The following DNAH12 variants were observed in gnomAD, a reference collection of about 807,000 sequenced individuals.
DNAH12 encodes the protein dynein axonemal heavy chain 12.
In DNAH12, 285 loss-of-function variants were observed where a neutral mutation model predicts 371.5. That is an observed-to-expected ratio of 0.77 (90% CI 0.70 to 0.85). The LOEUF is 0.85. Ranked by LOEUF, DNAH12 falls within the 40% of genes least tolerant of loss-of-function variation. DNAH12 has a pLI of 0.00. For synonymous variants in DNAH12, 1,200 were observed against 1,213.0 expected, an observed-to-expected ratio of 0.99 and a Z score of 0.22; for missense variants, 3,611 against 3,689.4, an observed-to-expected ratio of 0.98 and a Z score of 0.55.
intron 2 of DNAH12, among the ~76,000 whole-genome samples, chr3:57,526,774 C>T (rs532804814): frequency 5.9e-5 from 9 of 151,974 alleles, no homozygotes; most frequent in South Asian, 2.1e-4. Flanking sequence ...CTGCCCACTT[C>T]GACCTCCCAA....
intron 58 of DNAH12, among the ~76,000 whole-genome samples, chr3:57,362,352 C>T (rs988085515): frequency 6.6e-5 from 10 of 152,078 alleles, no homozygotes; most frequent in African/African-American, 2.4e-4. Flanking sequence ...TTTATAGTAG[C>T]GTGATTTATA....
At chr3:57,507,601 T>C (rs773078392) in intron 8 of DNAH12, 42 bp downstream of exon 8, 3 of 1,383,188 alleles carry the variant, frequency 2.2e-6, no homozygotes, top group Admixed American at 5.7e-5. Context: ...ATTGAACTAA[T>C]TTTAATAACA....
At chr3:57,419,069 C>T (rs1214588605) in intron 37 of DNAH12, among the ~76,000 whole-genome samples, 7 of 152,206 alleles carry the variant, frequency 4.6e-5, no homozygotes, top group Non-Finnish European at 1.0e-4. Context: ...TTTAATTAGA[C>T]TGCATACCTT....
At chr3:57,436,899 T>TCC in intron 30 of DNAH12, 52 bp downstream of exon 30, 7 of 1,226,600 alleles carry the variant, frequency 5.7e-6, no homozygotes, top group Non-Finnish European at 7.7e-6. Context: ...TTTAGTTGTT[T>TCC]TACCAGCTTA....
Position 57,418,915 on chromosome 3 carries a change from A to C in DNAH12, c.5714+452T>G, listed in dbSNP as rs536840793. 2.6e-5 allele frequency among the ~76,000 whole-genome samples: 4 copies of C among 152,298 alleles called. No homozygotes were observed. The South Asian group carries it at 8.3e-4, about 32-fold the overall frequency. On this transcript the variant is annotated intron_variant, in intron 37 of 73. Transcript: ENST00000495027. ...CTTTTGATCAGTTTCATGTGTCTTT[A>C]CTTTTGATGGACTCTTCTGAGTTTT...
chr3:57,491,667 C>A (rs1454322574), intron 11 of DNAH12, among the ~76,000 whole-genome samples: 1 of 152,044 alleles, frequency 6.6e-6, no homozygotes. Flanking sequence ...GGCATGATGG[C>A]TCATGCCTGT....
At chr3:57,520,028 G>A (rs1000797774) in intron 4 of DNAH12, 2 of 729,464 alleles carry the variant, frequency 2.7e-6, no homozygotes, top group East Asian at 2.8e-5. Context: ...CCGCGGAGCC[G>A]ATGGCCGACG....
chr3:57,396,290 C>CAAAAAAAAAAAAAAAA (rs1159748997), intron 43 of DNAH12, among the ~76,000 whole-genome samples: 61 of 68,058 alleles, frequency 9.0e-4, no homozygotes, highest in East Asian at 1.8e-3. Context: ...AAAAAAAAAA[C>CAAAAAAAAAAAAAAAA]AAAAAAAAAA....
At chr3:57,364,117 C>T (rs1176603639) in intron 57 of DNAH12, among the ~76,000 whole-genome samples, 1 of 152,096 alleles carries the variant, frequency 6.6e-6, no homozygotes, top group Non-Finnish European at 1.5e-5. Flanking sequence ...TTTGTCATCA[C>T]TAAGTCTCAT....
chr3:57,457,947 G>A lies in DNAH12; in HGVS notation c.3110C>T (p.Pro1037Leu). ...MLEILSETKD[P>L]LRVQPHLKKC... Reference sequence around the variant, plus strand: ...TTTTAAATGTGGCTGAACTCTAAGTGGATCTTTGGTCTCTGATAAAATCTC... The same window carrying A: ...TTTTAAATGTGGCTGAACTCTAAGTAGATCTTTGGTCTCTGATAAAATCTC... Residue 1037 changes from proline (P) to leucine (L), a missense_variant, in exon 22 of 74, where the codon CCA (proline) becomes CTA (leucine). Transcript: ENST00000495027. 1 of 1,551,572 alleles carries A rather than the reference G, an allele frequency of 6.4e-7. No homozygotes were observed. Among genetic ancestry groups the A allele is most frequent in the Non-Finnish European group, 8.7e-7 (1 of 1,146,954 alleles).
At chr3:57,516,182 G>A (rs1173590021) in intron 4 of DNAH12, among the ~76,000 whole-genome samples, 1 of 146,864 alleles carries the variant, frequency 6.8e-6, no homozygotes, top group Non-Finnish European at 1.5e-5. Flanking sequence ...TCCTGCCTCA[G>A]CCTCCTGAGT....
chr3:57,415,542 T>A lies in DNAH12; in HGVS notation c.5737A>T (p.Thr1913Ser), dbSNP rs921752886. The A allele has an allele frequency of 1.3e-6, 2 of 1,544,276 alleles. No individual in the cohort carries two copies. Among genetic ancestry groups the A allele is most frequent in the South Asian group, 2.4e-5 (2 of 81,864 alleles). The change falls in exon 38 of 74, where the codon ACG becomes TCG. Residue 1913 changes from threonine (T) to serine (S), a missense_variant. This residue lies in a region of DNAH12 where 2,266 missense variants were observed against 2,236.9 expected (regional missense o/e 1.01). Transcript: ENST00000495027. ...ACATACACAGATTTTCCTGTACCCG[T>A]TGGACCCACAAAAAGGAGTGGCCTT... ...YAKPLLFVGP[T>S]GTGKSVYVKD...
At chr3:57,462,577 C>G in intron 18 of DNAH12, 113 bp downstream of exon 18, 2 of 1,263,502 alleles carry the variant, frequency 1.6e-6, no homozygotes, top group African/African-American at 1.5e-5. Context: ...ATCACTCTCC[C>G]CCATCACCTC....
intron 11 of DNAH12, among the ~76,000 whole-genome samples, chr3:57,491,336 G>A (rs1688361776): frequency 6.6e-6 from 1 of 152,046 alleles, no homozygotes; most frequent in African/African-American, 2.4e-5. Context: ...ACAGAAGAAA[G>A]TTATAATTGG....
chr3:57,519,241 G>C (rs1224674352), intron 4 of DNAH12, among the ~76,000 whole-genome samples: 2 of 152,010 alleles, frequency 1.3e-5, no homozygotes, highest in African/African-American at 4.8e-5. Context: ...GGGAGGAGGG[G>C]GTTTAAACTG....
chr3:57,540,502 A>C (rs546688546), intron 2 of DNAH12, among the ~76,000 whole-genome samples: 6 of 152,324 alleles, frequency 3.9e-5, no homozygotes, highest in African/African-American at 1.2e-4. Flanking sequence ...TGGAAGAACA[A>C]GGATAAGTAT....
chr3:57,405,774 T>C lies in DNAH12; in HGVS notation c.6455A>G (p.Asp2152Gly). The change falls in exon 41 of 74, where the codon GAT (aspartate) becomes GGT (glycine). Residue 2152 changes from aspartate to glycine, a missense_variant. Coordinates refer to ENST00000495027, the MANE Select transcript of DNAH12 (RefSeq NM_001366028.2). Reference protein sequence around the residue: ...FVHEVLRVFYDRLINDDDRRW... With the variant: ...FVHEVLRVFYGRLINDDDRRW... Reference sequence around the variant, plus strand: ...TCGATCATCATCATTAATGAGGCGATCATAAAACACTCGGAGAACCTCATG... The same window carrying C: ...TCGATCATCATCATTAATGAGGCGACCATAAAACACTCGGAGAACCTCATG... 6.4e-7 allele frequency: 1 copy of C among 1,551,634 alleles called. No homozygotes were observed. Among genetic ancestry groups the C allele is most frequent in the Non-Finnish European group, 8.7e-7 (1 of 1,146,970 alleles).
At chr3:57,476,268 T>C (rs746446661) in intron 13 of DNAH12, among the ~76,000 whole-genome samples, 2 of 152,088 alleles carry the variant, frequency 1.3e-5, no homozygotes, top group Non-Finnish European at 2.9e-5. Flanking sequence ...AAGTAATCAC[T>C]ATAAAAATCA....
At chr3:57,544,672 T>A (rs1267542270), upstream of DNAH12, among the ~76,000 whole-genome samples, 1 of 152,204 alleles carries the variant, frequency 6.6e-6, no homozygotes, top group African/African-American at 2.4e-5. Flanking sequence ...TGTCCCCTAG[T>A]GACACCCTGT....
Sources: gnomAD v4.1 joint callset for allele counts (sites outside exome capture counted in the v4.1 genomes callset) on GRCh38, gnomAD v4.1.1 for gene constraint, gnomAD v4.1.1 regional missense constraint, MANE v1.5 for transcripts, NCBI Gene and HGNC (gene_info 2026-07-23, HGNC 2026-07-21) for gene names.